Variants in NUBPL observed in about 807,000 individuals in gnomAD.
The protein encoded by NUBPL is NUBP iron-sulfur cluster assembly factor, mitochondrial.
NUBPL carries 31 observed loss-of-function variants against 45.7 expected under a neutral mutation model. That is an observed-to-expected ratio of 0.68 (90% CI 0.51 to 0.92). The LOEUF (loss-of-function observed/expected upper bound fraction) is 0.92. Ranked by LOEUF, NUBPL falls within the 40% of genes least tolerant of loss-of-function variation. NUBPL has a pLI of 0.00. For missense variants in NUBPL, 401 were observed against 398.7 expected, an observed-to-expected ratio of 1.01 and a Z score of -0.05; for synonymous variants, 144 against 140.9, an observed-to-expected ratio of 1.02 and a Z score of -0.15.
intron 8 of NUBPL, among the ~76,000 whole-genome samples, chr14:31,839,506 A>G (rs554828090): frequency 6.6e-6 from 1 of 152,318 alleles, no homozygotes; most frequent in African/African-American, 2.4e-5. Flanking sequence ...GAAACTATGA[A>G]AGTATTAGAA....
At chr14:31,604,605 G>C (rs149893518) in intron 4 of NUBPL, among the ~76,000 whole-genome samples, 1 of 152,244 alleles carries the variant, frequency 6.6e-6, no homozygotes, top group Non-Finnish European at 1.5e-5. Flanking sequence ...TATTTAAATA[G>C]ATGTATGGCA....
intron 6 of NUBPL, among the ~76,000 whole-genome samples, chr14:31,780,048 A>G (rs1430652992): frequency 6.6e-6 from 1 of 151,732 alleles, no homozygotes; most frequent in Non-Finnish European, 1.5e-5. Flanking sequence ...CATCTTGCTT[A>G]TAAAGAGAGA....
At chr14:31,623,166 C>T (rs772883653) in intron 4 of NUBPL, among the ~76,000 whole-genome samples, 1 of 152,242 alleles carries the variant, frequency 6.6e-6, no homozygotes, top group African/African-American at 2.4e-5. Context: ...GGATTTTGGA[C>T]TTGCATGGGG....
chr14:31,787,139 A>T (rs575964400), intron 6 of NUBPL, among the ~76,000 whole-genome samples: 3 of 152,168 alleles, frequency 2.0e-5, no homozygotes. Flanking sequence ...CCATTAATAG[A>T]GACTAGGGAC....
At chr14:31,562,599 T>TG (rs1238791340) in intron 2 of NUBPL, among the ~76,000 whole-genome samples, 10 of 125,260 alleles carry the variant, frequency 8.0e-5, no homozygotes, top group East Asian at 6.9e-4. Context: ...TAACTTTTTT[T>TG]TTTTGTTTTT....
chr14:31,684,885 G>A (rs2036917491), intron 6 of NUBPL, among the ~76,000 whole-genome samples: 1 of 152,158 alleles, frequency 6.6e-6, no homozygotes, highest in Admixed American at 6.6e-5. Flanking sequence ...GTAAGGGAAA[G>A]TAATGAATTG....
chr14:31,825,733 T>A (rs12884103), intron 7 of NUBPL, among the ~76,000 whole-genome samples: 12,157 of 151,316 alleles, frequency 0.08, 644 homozygotes, highest in Non-Finnish European at 0.13. Context: ...CTTCATCATC[T>A]TCTTCATTGT....
chr14:31,847,093 G>C (rs546048923), intron 9 of NUBPL, among the ~76,000 whole-genome samples: 2 of 152,298 alleles, frequency 1.3e-5, no homozygotes, highest in African/African-American at 4.8e-5. Flanking sequence ...TGTCAACTAT[G>C]ATAATTTCTA....
chr14:31,831,933 C>G (rs1265640067), intron 8 of NUBPL, among the ~76,000 whole-genome samples: 1 of 152,136 alleles, frequency 6.6e-6, no homozygotes, highest in Non-Finnish European at 1.5e-5. Context: ...AGTAAGGGAA[C>G]ATTTGCAATG....
chr14:31,691,337 GAA>G (rs1334051397), intron 6 of NUBPL, among the ~76,000 whole-genome samples: 1 of 152,138 alleles, frequency 6.6e-6, no homozygotes, highest in African/African-American at 2.4e-5. Flanking sequence ...TAAGAATACA[GAA>G]TATACTATAA....
chr14:31,706,333 T>G (rs918107058), intron 6 of NUBPL, among the ~76,000 whole-genome samples: 1 of 152,178 alleles, frequency 6.6e-6, no homozygotes, highest in Admixed American at 6.5e-5. Flanking sequence ...GTAGAAGTTG[T>G]TAGTTGAGCT....
At chr14:31,677,421 A>G (rs2036726673) in intron 6 of NUBPL, among the ~76,000 whole-genome samples, 1 of 152,190 alleles carries the variant, frequency 6.6e-6, no homozygotes. Flanking sequence ...TACCACAGAT[A>G]AGTGAGAACA....
intron 6 of NUBPL, among the ~76,000 whole-genome samples, chr14:31,772,977 T>C (rs545048449): frequency 6.6e-6 from 1 of 152,274 alleles, no homozygotes; most frequent in South Asian, 2.1e-4. Context: ...ATATAATTAT[T>C]ATAACTTGAA....
intron 6 of NUBPL, among the ~76,000 whole-genome samples, chr14:31,746,494 A>G (rs4981900): frequency 0.46 from 69,656 of 151,744 alleles, 17,418 homozygotes; most frequent in African/African-American, 0.66. Flanking sequence ...ACAATTTGAT[A>G]CAAATGGTAA....
intron 6 of NUBPL, among the ~76,000 whole-genome samples, chr14:31,683,542 G>A (rs887269260): frequency 1.3e-5 from 2 of 151,630 alleles, no homozygotes; most frequent in Admixed American, 6.6e-5. Context: ...TAGTAGAGAC[G>A]GAGTTTCACC....
intron 7 of NUBPL, among the ~76,000 whole-genome samples, chr14:31,808,766 C>G (rs1429763100): frequency 6.6e-6 from 1 of 152,098 alleles, no homozygotes; most frequent in African/African-American, 2.4e-5. Flanking sequence ...TCATAAATAG[C>G]TCTTATTATT....
chr14:31,709,649 T>C (rs974210010), intron 6 of NUBPL, among the ~76,000 whole-genome samples: 3 of 152,220 alleles, frequency 2.0e-5, no homozygotes, highest in Admixed American at 1.3e-4. Flanking sequence ...CTGTAGGACA[T>C]TTATGTACCT....
chr14:31,793,649 T>C (rs1477362654), intron 7 of NUBPL, among the ~76,000 whole-genome samples: 2 of 152,136 alleles, frequency 1.3e-5, no homozygotes, highest in Non-Finnish European at 1.5e-5. Flanking sequence ...TGTGACTGTA[T>C]TATCTTTCCA....
chr14:31,561,717 T>G lies in NUBPL; in HGVS notation c.108+170T>G, dbSNP rs533369632. 1.5e-5 allele frequency: 8 copies of G among 548,480 alleles called. No homozygotes were observed. In the South Asian group the frequency reaches 2.3e-4, roughly 16 times the overall value. The allele number at this position is 548,480 out of a possible 1,614,324, so 34.0% of individuals were successfully genotyped here. The stretch of plus-strand genomic sequence containing the variant: ...GCCCAGGCTGAGGCGTGGCGGGACT[T>G]GAAACACAGTTAGAACGTAGATGTG... On this transcript the variant is annotated intron_variant, in intron 1 of 10. Coordinates refer to ENST00000281081, the MANE Select transcript of NUBPL (RefSeq NM_025152.3).
Sources: gnomAD v4.1 joint callset for allele counts (sites outside exome capture counted in the v4.1 genomes callset) on GRCh38, gnomAD v4.1.1 for gene constraint, MANE v1.5 for transcripts, NCBI Gene and HGNC (gene_info 2026-07-23, HGNC 2026-07-21) for gene names.